Variants in PEX5L observed in about 807,000 individuals in gnomAD.
PEX5L encodes PEX5-related protein.
Under a neutral mutation model 84.0 loss-of-function variants are expected in PEX5L, and 30 were observed. That is an observed-to-expected ratio of 0.36 (90% CI 0.27 to 0.48). The LOEUF is 0.48. Among genes scored for constraint, PEX5L ranks in the 20% least tolerant of loss-of-function variants. The pLI is 0.99. For synonymous variants in PEX5L, 270 were observed against 283.1 expected (o/e 0.95, Z 0.46); for missense variants, 533 against 754.6 (o/e 0.71, Z 3.44).
chr3:179,881,266 A>G (rs1391655748), intron 4 of PEX5L: 1 of 152,264 alleles, frequency 6.6e-6, no homozygotes, highest in Admixed American at 6.5e-5. Flanking sequence ...CATTGAACTC[A>G]CAACCTGGAT....
chr3:179,833,822 CG>C (rs1265793388), intron 8 of PEX5L, among the ~76,000 whole-genome samples: 2 of 152,070 alleles, frequency 1.3e-5, no homozygotes, highest in Admixed American at 6.5e-5. Context: ...CACACACACA[CG>C]GTTTTTCATT....
chr3:179,877,674 T>C (rs1752851129), intron 5 of PEX5L, among the ~76,000 whole-genome samples: 2 of 152,012 alleles, frequency 1.3e-5, no homozygotes, highest in South Asian at 2.1e-4. Flanking sequence ...TCCAAGCTGG[T>C]CTCAAACTCC....
chr3:179,934,073 G>C (rs2109673847), intron 2 of PEX5L, among the ~76,000 whole-genome samples: 1 of 152,334 alleles, frequency 6.6e-6, no homozygotes, highest in South Asian at 2.1e-4. Flanking sequence ...CTTGGCGATT[G>C]ATGAGCAGAG....
chr3:179,954,955 T>C lies in PEX5L; in HGVS notation c.93+16639A>G, dbSNP rs140551076. On this transcript the variant is annotated intron_variant, in intron 2 of 14. Coordinates refer to ENST00000467460, the MANE Select transcript of PEX5L (RefSeq NM_016559.3). ...CAGTTAGGGCATAAAGTATGACCCA[T>C]TCAACTCTTCAGTCTCATCTACAGT... Among the ~76,000 whole-genome samples, 88 of 152,110 alleles carry C rather than the reference T, an allele frequency of 5.8e-4. No individual in the cohort carries two copies. In the East Asian group the frequency reaches 0.013, roughly 23 times the overall value.
At chr3:179,866,318 C>T (rs570227627) in intron 7 of PEX5L, among the ~76,000 whole-genome samples, 1 of 152,262 alleles carries the variant, frequency 6.6e-6, no homozygotes, top group African/African-American at 2.4e-5. Flanking sequence ...AATATAACAA[C>T]TAGCAGACCT....
chr3:179,855,674 T>C (rs997913471), intron 8 of PEX5L, among the ~76,000 whole-genome samples: 1 of 152,108 alleles, frequency 6.6e-6, no homozygotes, highest in Non-Finnish European at 1.5e-5. Context: ...GTAGGGCCTT[T>C]GGGAGGTGAT....
At chr3:179,900,164 T>C (rs1191658427) in intron 2 of PEX5L, among the ~76,000 whole-genome samples, 1 of 152,180 alleles carries the variant, frequency 6.6e-6, no homozygotes, top group Admixed American at 6.5e-5. Context: ...ACAGACTAAA[T>C]ATGGTTTATA....
chr3:179,949,465 A>T (rs1486848442), intron 2 of PEX5L, among the ~76,000 whole-genome samples: 1 of 152,196 alleles, frequency 6.6e-6, no homozygotes, highest in Non-Finnish European at 1.5e-5. Flanking sequence ...AGCACTAGAA[A>T]TTATTTCCCT....
chr3:179,903,823 G>A (rs1217771533), intron 2 of PEX5L, among the ~76,000 whole-genome samples: 2 of 152,188 alleles, frequency 1.3e-5, no homozygotes, highest in East Asian at 3.8e-4. Flanking sequence ...GGACATGTTG[G>A]TTCTGTCTTA....
chr3:180,023,804 A>AGCCATAC (rs1790646099), intron 1 of PEX5L, among the ~76,000 whole-genome samples: 2 of 147,630 alleles, frequency 1.4e-5, no homozygotes, highest in African/African-American at 5.4e-5. Flanking sequence ...AGAGGGAGAG[A>AGCCATAC]CTAGCTGCTT....
chr3:180,025,733 G>A (rs1198673085), intron 1 of PEX5L, among the ~76,000 whole-genome samples: 1 of 152,174 alleles, frequency 6.6e-6, no homozygotes, highest in Non-Finnish European at 1.5e-5. Context: ...TGCCACTATT[G>A]TGAACAACAG....
chr3:179,835,923 G>A (rs893292049), intron 8 of PEX5L, among the ~76,000 whole-genome samples: 1 of 152,076 alleles, frequency 6.6e-6, no homozygotes, highest in African/African-American at 2.4e-5. Flanking sequence ...ATTTCATTTA[G>A]GTATCTGTAT....
chr3:180,034,615 T>A (rs974712253), intron 1 of PEX5L, among the ~76,000 whole-genome samples: 2 of 152,140 alleles, frequency 1.3e-5, no homozygotes, highest in East Asian at 3.9e-4. Context: ...ATTGAATAAC[T>A]ACTAAACGTA....
intron 8 of PEX5L, among the ~76,000 whole-genome samples, chr3:179,833,531 G>C (rs7617208): frequency 0.012 from 1,791 of 152,266 alleles, 42 homozygotes; most frequent in African/African-American, 0.041. Flanking sequence ...TTGGACAAAA[G>C]AGCAGAACAG....
intron 1 of PEX5L, among the ~76,000 whole-genome samples, chr3:180,004,878 T>C (rs1788734489): frequency 1.3e-5 from 2 of 152,084 alleles, no homozygotes; most frequent in Non-Finnish European, 2.9e-5. Flanking sequence ...AAATGTGAAA[T>C]GCATACTAGA....
chr3:179,924,314 C>G (rs1234116252), intron 2 of PEX5L, among the ~76,000 whole-genome samples: 2 of 152,188 alleles, frequency 1.3e-5, no homozygotes, highest in Non-Finnish European at 2.9e-5. Flanking sequence ...CCATTACTCC[C>G]CAGCTAGATG....
intron 7 of PEX5L, among the ~76,000 whole-genome samples, chr3:179,865,060 G>A (rs1747631898): frequency 2.0e-5 from 3 of 152,090 alleles, no homozygotes; most frequent in African/African-American, 4.8e-5. Context: ...CAGCTGCACT[G>A]CGCATCACAG....
intron 1 of PEX5L, among the ~76,000 whole-genome samples, chr3:180,009,313 T>C (rs749071479): frequency 1.3e-5 from 2 of 152,184 alleles, no homozygotes; most frequent in Non-Finnish European, 2.9e-5. Flanking sequence ...TTGTTACACG[T>C]CCTCATAAGG....
intron 14 of PEX5L, among the ~76,000 whole-genome samples, chr3:179,803,272 TA>T (rs1204604231): frequency 6.6e-6 from 1 of 152,220 alleles, no homozygotes; most frequent in African/African-American, 2.4e-5. Flanking sequence ...ATATTTTTTG[TA>T]AAAAATATTA....
Sources: allele counts gnomAD v4.1 joint callset (sites outside exome capture counted in the v4.1 genomes callset), GRCh38; gene constraint gnomAD v4.1.1; transcripts MANE v1.5; gene names NCBI Gene and HGNC (gene_info 2026-07-23, HGNC 2026-07-21).